The following PDGFRA variants were observed in gnomAD, a reference collection of about 807,000 sequenced individuals.
The protein encoded by PDGFRA is platelet derived growth factor receptor alpha, also known as platelet-derived growth factor receptor alpha.
In PDGFRA, 25 loss-of-function variants were observed where a neutral mutation model predicts 121.5. The ratio of observed to expected loss-of-function variants is 0.21; its 90% confidence interval spans 0.15 to 0.29. The LOEUF is 0.29. Among genes scored for constraint, PDGFRA ranks in the 10% least tolerant of loss-of-function variants. PDGFRA has a pLI of 1.00. For synonymous variants in PDGFRA, 463 were observed against 494.8 expected (o/e 0.94, Z 0.85); for missense variants, 1,008 against 1,345.1 (o/e 0.75, Z 3.92).
intron 1 of PDGFRA, among the ~76,000 whole-genome samples, chr4:54,253,254 T>A (rs1314579846): frequency 6.6e-6 from 1 of 152,216 alleles, no homozygotes; most frequent in Admixed American, 6.5e-5. Flanking sequence ...GAAAAAGTAA[T>A]GAAAACCAAA....
intron 3 of PDGFRA, 93 bp downstream of exon 3, chr4:54,261,505 A>G (rs1722714445): frequency 1.4e-6 from 1 of 732,742 alleles, no homozygotes; most frequent in African/African-American, 1.8e-5. Flanking sequence ...TAAATAATTA[A>G]TATTTATTGC....
Position 54,295,751 on chromosome 4 carries a change from C to A in PDGFRA, c.*479C>A, listed in dbSNP as rs117886200. 1.5e-4 allele frequency: 38 copies of A among 246,872 alleles called. No homozygotes were observed. In the East Asian group the frequency reaches 1.9e-3, roughly 12 times the overall value. The allele number at this position is 246,872 out of a possible 1,614,324, so 15.3% of individuals were successfully genotyped here. On this transcript the variant is annotated 3_prime_UTR_variant, in exon 23 of 23. Coordinates refer to ENST00000257290, the MANE Select transcript of PDGFRA (RefSeq NM_006206.6). ...AAACCTGATGTCAGCTGCTGTTGAA[C>A]TTTTTAAAGAAGTGCATGAAAAACC... is the stretch of plus-strand genomic sequence containing the variant.
At chr4:54,263,007 C>T (rs1471680435) in intron 3 of PDGFRA, among the ~76,000 whole-genome samples, 1 of 152,154 alleles carries the variant, frequency 6.6e-6, no homozygotes, top group African/African-American at 2.4e-5. Context: ...GTTAGAACTT[C>T]TTACCACCGT....
rs1553906497 is a variant in PDGFRA, at chr4:54,289,090, T to C, written c.2856T>C (p.Asn952=). Residue 952 remains asparagine (N), a synonymous_variant, in exon 21 of 23, where the codon AAT becomes AAC. Transcript: ENST00000257290. ...SFYHLSEIVE[N]LLPGQYKKSY... is the part of the protein sequence containing the mutation. ...ACCACCTGAGTGAGATTGTGGAGAA[T>C]CTGCTGCCTGGACAATATAAAAAGG... 1.3e-6 allele frequency: 2 copies of C among 1,598,898 alleles called. No homozygotes were observed. Among genetic ancestry groups the C allele is most frequent in the Middle Eastern group, 3.3e-4 (2 of 6,040 alleles).
intron 1 of PDGFRA, among the ~76,000 whole-genome samples, chr4:54,239,731 C>T (rs530191473): frequency 6.6e-5 from 10 of 152,364 alleles, no homozygotes; most frequent in African/African-American, 2.4e-4. Flanking sequence ...CTCCTGTTGT[C>T]TGGGTGCCCC....
intron 8 of PDGFRA, among the ~76,000 whole-genome samples, chr4:54,271,793 T>C: frequency 7.0e-6 from 1 of 142,736 alleles, no homozygotes; most frequent in African/African-American, 2.6e-5. Context: ...CCTCCCTCCC[T>C]CACTCTCTCT....
At chr4:54,270,408 C>T (rs1359390214) in intron 7 of PDGFRA, among the ~76,000 whole-genome samples, 2 of 152,106 alleles carry the variant, frequency 1.3e-5, no homozygotes, top group East Asian at 3.9e-4. Context: ...GGCCATTGCT[C>T]ATCTCTGAAT....
intron 21 of PDGFRA, among the ~76,000 whole-genome samples, chr4:54,289,871 G>C (rs1284606840): frequency 1.3e-5 from 2 of 152,210 alleles, no homozygotes; most frequent in Admixed American, 1.3e-4. Context: ...AAATGTGTTG[G>C]TGGGAAGAGA....
chr4:54,281,155 C>A (rs760746901), intron 16 of PDGFRA, among the ~76,000 whole-genome samples: 3 of 152,120 alleles, frequency 2.0e-5, no homozygotes, highest in Non-Finnish European at 2.9e-5. Flanking sequence ...ATGCCCAGAC[C>A]AGATGGATCA....
chr4:54,277,053 TGTGG>T (rs778163157), intron 12 of PDGFRA: 13 of 379,710 alleles, frequency 3.4e-5, no homozygotes, highest in South Asian at 3.4e-4. Flanking sequence ...AGCCAGGAGG[TGTGG>T]GTGAGAGCCC....
intron 13 of PDGFRA, 103 bp from the exon 14 acceptor site, chr4:54,277,793 A>G: frequency 1.3e-6 from 1 of 790,400 alleles, no homozygotes; most frequent in South Asian, 1.4e-5. Context: ...TCTGGTAAAT[A>G]GAATGATATC....
Position 54,285,427 on chromosome 4 carries a change from G to A in PDGFRA, c.2380G>A (p.Asp794Asn), listed in dbSNP as rs1560488952. ...TAACTCAGAAGGCCTTACTTTATTG[G>A]ATTTGTTGAGCTTCACCTATCAAGT... is the stretch of plus-strand genomic sequence containing the variant. ...DDNSEGLTLL[D>N]LLSFTYQVAR... is the part of the protein sequence containing the mutation. Residue 794 changes from aspartate (D) to asparagine (N), a missense_variant, in exon 17 of 23, where the codon GAT becomes AAT. Physicochemically the swap from Asp to Asn is conservative, Grantham distance 23. Coordinates refer to ENST00000257290, the MANE Select transcript of PDGFRA (RefSeq NM_006206.6). The A allele has an allele frequency of 6.3e-7, 1 of 1,592,244 alleles. No homozygotes were observed. Among genetic ancestry groups the A allele is most frequent in the East Asian group, 2.2e-5 (1 of 44,764 alleles).
intron 19 of PDGFRA, among the ~76,000 whole-genome samples, chr4:54,287,744 G>T (rs1724426909): frequency 6.6e-6 from 1 of 152,110 alleles, no homozygotes; most frequent in Non-Finnish European, 1.5e-5. Context: ...TTTTGTTGGG[G>T]GTTGCGTCTT....
intron 7 of PDGFRA, among the ~76,000 whole-genome samples, chr4:54,268,116 G>A (rs1033403690): frequency 2.6e-5 from 4 of 152,186 alleles, no homozygotes; most frequent in African/African-American, 9.6e-5. Context: ...ACACCCATGA[G>A]GCAGTTATCA....
intron 1 of PDGFRA, among the ~76,000 whole-genome samples, chr4:54,240,366 A>T (rs1034526803): frequency 6.6e-6 from 1 of 152,086 alleles, no homozygotes; most frequent in Non-Finnish European, 1.5e-5. Context: ...GGGTTTCACT[A>T]TTGGCCACCC....
At chr4:54,233,759 C>T (rs1720836554) in intron 1 of PDGFRA, among the ~76,000 whole-genome samples, 1 of 152,168 alleles carries the variant, frequency 6.6e-6, no homozygotes, top group Non-Finnish European at 1.5e-5. Context: ...GGGTCCCGTG[C>T]GTTCTTGGGG....
At position 54,285,468 on chromosome 4, in the gene PDGFRA, G is replaced by A. The variant is rs144920596; in HGVS notation, c.2421G>A (p.Glu807=). 260 of 1,522,102 alleles carry A rather than the reference G, an allele frequency of 1.7e-4. No individual in the cohort carries two copies. In the African/African-American group the frequency reaches 2.6e-3, roughly 15 times the overall value. The allele number at this position is 1,522,102 out of a possible 1,614,324, so 94.3% of individuals were successfully genotyped here. A position where few individuals can be genotyped will look rare whatever the true frequency, so the allele number is the denominator to read the frequency against. Residue 807 remains glutamate, a synonymous_variant, in exon 17 of 23, where the codon GAG becomes GAA. Transcript: ENST00000257290. Reference sequence around the variant, plus strand: ...CCTATCAAGTTGCCCGAGGAATGGAGTTTTTGGCTTCAAAAAATGTAAGTT... The same window carrying A: ...CCTATCAAGTTGCCCGAGGAATGGAATTTTTGGCTTCAAAAAATGTAAGTT... ...SFTYQVARGM[E]FLASKNCVHR...
At chr4:54,268,535 T>C (rs1484620746) in intron 7 of PDGFRA, among the ~76,000 whole-genome samples, 1 of 152,212 alleles carries the variant, frequency 6.6e-6, no homozygotes, top group Non-Finnish European at 1.5e-5. Flanking sequence ...AAGTCAGTCC[T>C]GTATTTCAAG....
chr4:54,285,345 C>CTTT lies in PDGFRA; in HGVS notation c.2324-26_2324-25insTTT, dbSNP rs760710479. ...ATGATTTCCTGCTGCCTGCCAGCAC[C>CTTT]AATACATTTAATTTCTTTTCTGCAG... On this transcript the variant is annotated intron_variant, in intron 16 of 22. Transcript: ENST00000257290. The CTTT allele has an allele frequency of 2.6e-3, 2,252 of 878,192 alleles. 62 individuals carry two copies. In the African/African-American group the frequency reaches 0.036, roughly 14 times the overall value. 54.4% of individuals were successfully genotyped at this position (878,192 alleles called of 1,614,324 possible). A position where few individuals can be genotyped will look rare whatever the true frequency, so the allele number is the denominator to read the frequency against.
Sources: gnomAD v4.1 joint callset for allele counts (sites outside exome capture counted in the v4.1 genomes callset) on GRCh38, gnomAD v4.1.1 for gene constraint, MANE v1.5 for transcripts, NCBI Gene and HGNC (gene_info 2026-07-23, HGNC 2026-07-21) for gene names.